The following DCP1B variants were observed in gnomAD, a reference collection of about 807,000 sequenced individuals.
DCP1B encodes the protein mRNA-decapping enzyme 1B.
In DCP1B, 47 loss-of-function variants were observed where a neutral mutation model predicts 60.5. The ratio of observed to expected loss-of-function variants is 0.78; its 90% CI spans 0.61 to 0.99. DCP1B has a LOEUF of 0.99. DCP1B is among the 50% of genes least tolerant of loss of function. DCP1B has a pLI of 0.00. For synonymous variants in DCP1B, 267 were observed against 280.3 expected, an observed-to-expected ratio of 0.95 and a Z score of 0.47; for missense variants, 725 against 756.8, an observed-to-expected ratio of 0.96 and a Z score of 0.49.
Position 1,969,025 on chromosome 12 carries a change from C to T in DCP1B, c.320-1115G>A, listed in dbSNP as rs150223249. Among the ~76,000 whole-genome samples, 8 of 152,238 alleles carry T rather than the reference C, an allele frequency of 5.3e-5. No individual in the cohort carries two copies. The East Asian group carries it at 1.5e-3, about 29-fold the overall frequency. ...ATTAATCATCTAAGTAATGCATTAA[C>T]TACACACACATTTAAAACATCTTCA... is the stretch of plus-strand genomic sequence containing the variant. On this transcript the variant is annotated intron_variant, in intron 3 of 8. Transcript: ENST00000280665.
intron 1 of DCP1B, among the ~76,000 whole-genome samples, chr12:2,001,614 T>A (rs913680905): frequency 6.6e-6 from 1 of 152,222 alleles, no homozygotes; most frequent in Admixed American, 6.5e-5. Context: ...CAAATCTCTC[T>A]TCATCATGCA....
At chr12:1,949,384 G>A in intron 7 of DCP1B, 50 bp from the exon 8 acceptor site, 1 of 1,595,060 alleles carries the variant, frequency 6.3e-7, no homozygotes, top group Non-Finnish European at 8.6e-7. Flanking sequence ...GCAGCTCACG[G>A]CATGATAGCT....
At chr12:1,949,454 A>G in intron 7 of DCP1B, 120 bp from the exon 8 acceptor site, 1 of 1,396,258 alleles carries the variant, frequency 7.2e-7, no homozygotes, top group East Asian at 2.4e-5. Context: ...TAGCTGAGAA[A>G]AGTTTATGGG....
intron 3 of DCP1B, among the ~76,000 whole-genome samples, chr12:1,982,193 G>T (rs2036346966): frequency 6.6e-6 from 1 of 152,108 alleles, no homozygotes; most frequent in Non-Finnish European, 1.5e-5. Flanking sequence ...GATTCAATTT[G>T]CTAGTATTTT....
At chr12:2,002,119 C>G (rs576546443) in intron 1 of DCP1B, among the ~76,000 whole-genome samples, 98 of 152,328 alleles carry the variant, frequency 6.4e-4, no homozygotes, top group Non-Finnish European at 1.1e-3. Context: ...TTTCTAGACA[C>G]CTTTCCTTCC....
At position 1,993,275 on chromosome 12, in the gene DCP1B, C is replaced by T; in HGVS notation, c.308G>A (p.Arg103Lys). 6.2e-7 allele frequency: 1 copy of T among 1,614,088 alleles called. No individual in the cohort carries two copies. Among genetic ancestry groups the T allele is most frequent in the Non-Finnish European group, 8.5e-7 (1 of 1,179,982 alleles). Residue 103 changes from arginine to lysine, a missense_variant, in exon 3 of 9, where the codon AGA (arginine) becomes AAA (lysine). By Grantham distance (26) the Arg-to-Lys change is conservative. Coordinates refer to ENST00000280665, the MANE Select transcript of DCP1B (RefSeq NM_152640.5). The part of the protein sequence containing the change: ...FQLQDPFLLY[R>K]NARLSIYGIW... ...TAAGAAAGACTCACATCTGGCATTT[C>T]TGTAGAGAAGGAAAGGGTCCTGGAG...
At position 1,996,616 on chromosome 12, in the gene DCP1B, TAAAAAAAAAAAAAAAAAAAA is replaced by T. The variant is rs78563698; in HGVS notation, c.191+1299_191+1318del. On this transcript the variant is annotated intron_variant, in intron 2 of 8. Coordinates refer to ENST00000280665, the MANE Select transcript of DCP1B (RefSeq NM_152640.5). ...AATACACTAATAATAGCTGATGAGC[TAAAAAAAAAAAAAAAAAAAA>T]AAAAAAAAAAAAAAAAAAACAACAA... Among the ~76,000 whole-genome samples the T allele has an allele frequency of 8.5e-4, 16 of 18,844 alleles. No homozygotes were observed. The East Asian group carries it at 9.5e-3, about 11-fold the overall frequency. 12.4% of individuals were successfully genotyped at this position (18,844 alleles called of 152,430 possible).
intron 5 of DCP1B, among the ~76,000 whole-genome samples, chr12:1,959,230 GAC>G (rs1269411486): frequency 6.6e-6 from 1 of 152,228 alleles, no homozygotes; most frequent in Non-Finnish European, 1.5e-5. Context: ...AAAAGCAAGA[GAC>G]ACACAGGATT....
In DCP1B at chr12:1,952,824, A is replaced by C. The variant is rs553513366; in HGVS notation, c.1116T>G (p.Ser372Arg). ...TPGAANKCDP[S>R]TPAPASSAAL... ...CAGCTGAGCTGGCAGGTGCTGGTGTACTAGGGTCACACTTGTTTGCTGCCC... is the reference window on the plus strand; with the variant it reads ...CAGCTGAGCTGGCAGGTGCTGGTGTCCTAGGGTCACACTTGTTTGCTGCCC... The change falls in exon 7 of 9, where the codon AGT becomes AGG. Residue 372 changes from serine to arginine, a missense_variant. Coordinates refer to ENST00000280665, the MANE Select transcript of DCP1B (RefSeq NM_152640.5). 6.2e-7 allele frequency: 1 copy of C among 1,614,160 alleles called. No individual in the cohort carries two copies. The highest frequency in any genetic ancestry group is 1.1e-5 in the South Asian group (1 of 91,078).
chr12:1,943,766 A>G (rs1428236168), downstream of DCP1B, among the ~76,000 whole-genome samples: 1 of 152,126 alleles, frequency 6.6e-6, no homozygotes, highest in Non-Finnish European at 1.5e-5. Context: ...CTCTCAATAA[A>G]CTAGGTATTG....
chr12:1,949,783 G>A lies in DCP1B; in HGVS notation c.1525-449C>T, dbSNP rs553661483. 2.6e-5 allele frequency among the ~76,000 whole-genome samples: 4 copies of A among 152,290 alleles called. No individual in the cohort carries two copies. In the South Asian group the frequency reaches 8.3e-4, roughly 32 times the overall value. ...GAGAGCAACTCCCCGCCCCTCCTGC[G>A]GCCTCACTCACTTCTCGTGGGGAGG... On this transcript the variant is annotated intron_variant, in intron 7 of 8. Coordinates refer to ENST00000280665, the MANE Select transcript of DCP1B (RefSeq NM_152640.5).
At chr12:1,987,600 AT>A (rs1310593449) in intron 3 of DCP1B, among the ~76,000 whole-genome samples, 3 of 152,036 alleles carry the variant, frequency 2.0e-5, no homozygotes, top group African/African-American at 7.2e-5. Flanking sequence ...TTCTCATCCA[AT>A]TTTTCTTATG....
chr12:1,967,811 G>C (rs1342100692), intron 4 of DCP1B, 33 bp downstream of exon 4: 1 of 1,578,482 alleles, frequency 6.3e-7, no homozygotes, highest in Non-Finnish European at 8.7e-7. Flanking sequence ...AAAGCACCAG[G>C]TCCTGAAAAA....
chr12:1,997,878 C>A, intron 2 of DCP1B, 57 bp downstream of exon 2: 2 of 1,383,254 alleles, frequency 1.4e-6, no homozygotes, highest in Non-Finnish European at 1.0e-6. Flanking sequence ...AGTGACACAA[C>A]GGAGCTAAAA....
intron 5 of DCP1B, among the ~76,000 whole-genome samples, chr12:1,956,031 T>C (rs968794758): frequency 7.2e-5 from 11 of 152,218 alleles, no homozygotes; most frequent in African/African-American, 2.7e-4. Context: ...ACCAAAAAGC[T>C]GACTCAAACC....
downstream of DCP1B, among the ~76,000 whole-genome samples, chr12:1,942,022 G>T (rs990245121): frequency 6.6e-6 from 1 of 152,010 alleles, no homozygotes; most frequent in Non-Finnish European, 1.5e-5. Context: ...AAGACCCATC[G>T]GTGTGCTGTA....
intron 5 of DCP1B, among the ~76,000 whole-genome samples, chr12:1,959,022 CAG>C (rs920727035): frequency 1.4e-5 from 2 of 147,382 alleles, no homozygotes; most frequent in Admixed American, 6.7e-5. Context: ...TGGAAGGAAA[CAG>C]GGGGAAAGCT....
Position 1,983,125 on chromosome 12 carries a change from C to CT in DCP1B, c.319+10138dup, listed in dbSNP as rs879705096. Among the ~76,000 whole-genome samples the CT allele has an allele frequency of 1.2e-3, 170 of 143,736 alleles. 1 individual carries two copies. The highest frequency in any genetic ancestry group is 3.6e-3 in the Middle Eastern group (1 of 276). The allele number at this position is 143,736 out of a possible 152,430, so 94.3% of individuals were successfully genotyped here. On this transcript the variant is annotated intron_variant, in intron 3 of 8. Coordinates refer to ENST00000280665, the MANE Select transcript of DCP1B (RefSeq NM_152640.5). ...TTCTGATACTGCTAATTTGTGTCTTCTTTTTTTTTTTCCTTCATCAGTCTG... is the reference window on the plus strand; with the variant it reads ...TTCTGATACTGCTAATTTGTGTCTTCTTTTTTTTTTTTCCTTCATCAGTCTG...
At chr12:1,955,756 G>A (rs538476127) in intron 5 of DCP1B, among the ~76,000 whole-genome samples, 196 bp from the exon 6 acceptor site, 54 of 152,190 alleles carry the variant, frequency 3.5e-4, no homozygotes, top group African/African-American at 1.1e-3. Flanking sequence ...ATTTTTCTTA[G>A]TTGGACAATT....
Sources: allele counts gnomAD v4.1 joint callset (sites outside exome capture counted in the v4.1 genomes callset), GRCh38; gene constraint gnomAD v4.1.1; transcripts MANE v1.5; gene names NCBI Gene and HGNC (gene_info 2026-07-23, HGNC 2026-07-21).